Variants in RGS6 observed in about 807,000 individuals in gnomAD.
RGS6 encodes regulator of G protein signaling 6, also known as regulator of G-protein signaling 6.
Under a neutral mutation model 78.5 loss-of-function variants are expected in RGS6, and 30 were observed. The observed-to-expected ratio is 0.38, with a 90% CI of 0.29 to 0.52. RGS6 has a LOEUF of 0.52. Among genes scored for constraint, RGS6 ranks in the 20% least tolerant of loss-of-function variants. The pLI is 0.85. For synonymous variants in RGS6, 206 were observed against 206.0 expected (o/e 1.00, Z 0.00); for missense variants, 495 against 609.7 (o/e 0.81, Z 1.98).
At chr14:72,005,624 G>A (rs901277838) in intron 2 of RGS6, among the ~76,000 whole-genome samples, 1 of 152,066 alleles carries the variant, frequency 6.6e-6, no homozygotes, top group African/African-American at 2.4e-5. Context: ...CTCTTATAAT[G>A]AGAAATGTTT....
chr14:72,252,539 T>C (rs1413026561), intron 2 of RGS6, among the ~76,000 whole-genome samples: 1 of 152,234 alleles, frequency 6.6e-6, no homozygotes, highest in Non-Finnish European at 1.5e-5. Flanking sequence ...ATCTCCCTGT[T>C]AGCCTGTACA....
rs117813903 is a variant in RGS6 at position 72,384,353 on chromosome 14, A to G, written c.184+32159A>G. The stretch of plus-strand genomic sequence containing the variant: ...TTTTTGTTTGGTAAATATACATTTC[A>G]GTCCACACATGAGAATAGTTATTGA... On this transcript the variant is annotated intron_variant, in intron 3 of 17. Transcript: ENST00000553525. Among the ~76,000 whole-genome samples the G allele has an allele frequency of 7.3e-4, 111 of 152,362 alleles. 2 individuals carry two copies. In the East Asian group the frequency reaches 0.019, roughly 26 times the overall value.
chr14:72,197,980 A>G (rs930618763), intron 2 of RGS6, among the ~76,000 whole-genome samples: 4 of 152,120 alleles, frequency 2.6e-5, no homozygotes, highest in Non-Finnish European at 5.9e-5. Flanking sequence ...TTGTTATTAT[A>G]TTTTAATTGC....
At chr14:72,478,212 A>G in intron 11 of RGS6, 56 bp from the exon 12 acceptor site, 1 of 1,344,898 alleles carries the variant, frequency 7.4e-7, no homozygotes, top group Non-Finnish European at 1.1e-6. Context: ...TTGTGGAGCG[A>G]GGGGAAAAAA....
chr14:72,201,035 T>A (rs989594070), intron 2 of RGS6, among the ~76,000 whole-genome samples: 4 of 151,528 alleles, frequency 2.6e-5, no homozygotes, highest in Non-Finnish European at 4.4e-5. Flanking sequence ...ACAGCCTTCT[T>A]AGCCAGCCTG....
At chr14:72,291,133 G>C (rs1053192036) in intron 2 of RGS6, among the ~76,000 whole-genome samples, 1 of 151,742 alleles carries the variant, frequency 6.6e-6, no homozygotes, top group South Asian at 2.1e-4. Context: ...GTTTCAACTC[G>C]TCATTCCCTA....
At chr14:72,382,053 A>C (rs1345901143) in intron 3 of RGS6, among the ~76,000 whole-genome samples, 1 of 152,036 alleles carries the variant, frequency 6.6e-6, no homozygotes, top group African/African-American at 2.4e-5. Context: ...TCTTCTGCAT[A>C]GCTTTTTAAG....
rs529439258 is a variant in RGS6, at chr14:72,305,181, C to A, written c.85-46914C>A. Among the ~76,000 whole-genome samples, 6 of 152,276 alleles carry A rather than the reference C, an allele frequency of 3.9e-5. No homozygotes were observed. The South Asian group carries it at 1.2e-3, about 32-fold the overall frequency. Reference sequence around the variant, plus strand: ...GCTTTTCCTTTATTGAATAAATTACCACTTTTTCTATGATATGAAGTTGAA... The same window carrying A: ...GCTTTTCCTTTATTGAATAAATTACAACTTTTTCTATGATATGAAGTTGAA... On this transcript the variant is annotated intron_variant, in intron 2 of 17. Transcript: ENST00000553525.
intron 2 of RGS6, among the ~76,000 whole-genome samples, chr14:72,314,323 G>A (rs1346347411): frequency 2.6e-5 from 4 of 152,188 alleles, no homozygotes; most frequent in African/African-American, 9.7e-5. Flanking sequence ...CAAGATGGCT[G>A]CTGTGGGTCC....
intron 2 of RGS6, among the ~76,000 whole-genome samples, chr14:72,096,598 C>T (rs552575263): frequency 3.9e-5 from 6 of 152,236 alleles, no homozygotes; most frequent in Admixed American, 2.0e-4. Context: ...TGAGCTCAGC[C>T]GGGTGGTTCT....
chr14:72,363,902 A>G (rs996926341), intron 3 of RGS6, among the ~76,000 whole-genome samples: 4 of 151,528 alleles, frequency 2.6e-5, no homozygotes, highest in African/African-American at 7.3e-5. Context: ...ACAGGAGACA[A>G]TAGCCACAAA....
intron 1 of RGS6, among the ~76,000 whole-genome samples, chr14:71,951,952 C>T (rs1044025250): frequency 3.3e-5 from 5 of 152,034 alleles, no homozygotes; most frequent in African/African-American, 1.2e-4. Flanking sequence ...ACCTTGTATT[C>T]ATTGACTTTG....
chr14:72,251,903 C>T (rs572703094), intron 2 of RGS6, among the ~76,000 whole-genome samples: 5 of 152,326 alleles, frequency 3.3e-5, no homozygotes, highest in African/African-American at 1.2e-4. Context: ...TCCTGTTTAA[C>T]ACAAGAATTT....
At chr14:72,419,693 G>C (rs559266329) in intron 3 of RGS6, among the ~76,000 whole-genome samples, 7 of 152,256 alleles carry the variant, frequency 4.6e-5, no homozygotes, top group South Asian at 2.1e-4. Context: ...TTGCAAAAAG[G>C]CTCCTGAAAT....
At chr14:72,002,966 G>A (rs2083770680) in intron 2 of RGS6, among the ~76,000 whole-genome samples, 1 of 152,144 alleles carries the variant, frequency 6.6e-6, no homozygotes, top group Non-Finnish European at 1.5e-5. Flanking sequence ...AATATTCTTA[G>A]CCCTGGGAAC....
intron 2 of RGS6, among the ~76,000 whole-genome samples, chr14:72,323,840 A>AAAAAAAAAAT (rs1779544773): frequency 7.1e-6 from 1 of 141,050 alleles, no homozygotes; most frequent in Non-Finnish European, 1.5e-5. Flanking sequence ...AAAAAAAAAA[A>AAAAAAAAAAT]ACTATTGTAA....
At chr14:72,324,048 A>G (rs906735854) in intron 2 of RGS6, among the ~76,000 whole-genome samples, 10 of 152,036 alleles carry the variant, frequency 6.6e-5, no homozygotes, top group African/African-American at 1.7e-4. Flanking sequence ...AAACATTCCA[A>G]CTGTACTCTC....
chr14:72,404,250 T>C (rs1424839310), intron 3 of RGS6, among the ~76,000 whole-genome samples: 3 of 152,236 alleles, frequency 2.0e-5, no homozygotes, highest in African/African-American at 7.2e-5. Flanking sequence ...GAATCGGTTC[T>C]GTGGATCTTA....
chr14:72,092,878 A>C (rs1044166693), intron 2 of RGS6, among the ~76,000 whole-genome samples: 1 of 152,146 alleles, frequency 6.6e-6, no homozygotes, highest in African/African-American at 2.4e-5. Context: ...ACTGAAGTCC[A>C]TACGTTTTTC....
Sources: allele counts gnomAD v4.1 joint callset (sites outside exome capture counted in the v4.1 genomes callset), GRCh38; gene constraint gnomAD v4.1.1; transcripts MANE v1.5; gene names NCBI Gene and HGNC (gene_info 2026-07-23, HGNC 2026-07-21).